Variants in KIF18A observed in about 807,000 individuals in gnomAD.
The protein encoded by KIF18A is kinesin family member 18A.
Under a neutral mutation model 103.3 loss-of-function variants are expected in KIF18A, and 67 were observed. The ratio of observed to expected loss-of-function variants is 0.65; its 90% confidence interval spans 0.53 to 0.79. The LOEUF is 0.79. Among genes scored for constraint, KIF18A ranks in the 30% least tolerant of loss-of-function variants. KIF18A has a pLI of 0.00. For missense variants in KIF18A, 1,032 were observed against 1,062.5 expected (o/e 0.97, Z 0.40); for synonymous variants, 367 against 355.5 (o/e 1.03, Z -0.36).
chr11:28,097,793 C>A lies in KIF18A; in HGVS notation c.155G>T (p.Ser52Ile). 1 of 1,613,192 alleles carries A rather than the reference C, an allele frequency of 6.2e-7. No homozygotes were observed. The highest frequency in any genetic ancestry group is 8.5e-7 in the Non-Finnish European group (1 of 1,179,438). The change falls in exon 2 of 17, where the codon AGT becomes ATT. Residue 52 changes from serine (S) to isoleucine (I), a missense_variant. Coordinates refer to ENST00000263181, the MANE Select transcript of KIF18A (RefSeq NM_031217.4). The stretch of plus-strand genomic sequence containing the variant: ...TGTAGTTTTCTTTCCATGGAAAAAA[C>A]TGACTTCTTCTTGTTTGGGATCAAA... ...LVFDPKQEEV[S>I]FFHGKKTTNQ...
Position 28,036,311 on chromosome 11 carries a change from A to G in KIF18A, c.2302T>C (p.Ser768Pro), listed in dbSNP as rs750966958. ...ATGTCTTCACATATAGTAAATGTAG[A>G]GTCCAAGTCCTCCTGTCCACATTCT... ...RKECGQEDLD[S>P]TFTICEDIKS... Residue 768 changes from serine (S) to proline (P), a missense_variant, in exon 14 of 17, where the codon TCT becomes CCT. Ser to Pro is a moderately conservative substitution (Grantham distance 74). Transcript: ENST00000263181. The G allele has an allele frequency of 6.2e-7, 1 of 1,610,716 alleles. No individual in the cohort carries two copies. Among genetic ancestry groups the G allele is most frequent in the Non-Finnish European group, 8.5e-7 (1 of 1,177,842 alleles).
chr11:28,025,422 C>T (rs1850304239), intron 15 of KIF18A, among the ~76,000 whole-genome samples: 1 of 151,920 alleles, frequency 6.6e-6, no homozygotes, highest in Non-Finnish European at 1.5e-5. Context: ...TTTGATAAAA[C>T]ATTGTTTTTT....
intron 13 of KIF18A, among the ~76,000 whole-genome samples, chr11:28,041,970 C>T (rs145649403): frequency 9.6e-4 from 145 of 151,690 alleles, no homozygotes; most frequent in Non-Finnish European, 1.7e-3. Context: ...CCCTCTACTC[C>T]CACTCATCAA....
chr11:28,092,252 G>T (rs1231661097), intron 3 of KIF18A, among the ~76,000 whole-genome samples: 1 of 150,562 alleles, frequency 6.6e-6, no homozygotes, highest in Non-Finnish European at 1.5e-5. Flanking sequence ...CCAAACTTTT[G>T]AAATTTTAGA....
At chr11:28,063,608 C>T (rs1004169234) in intron 11 of KIF18A, among the ~76,000 whole-genome samples, 9 of 151,818 alleles carry the variant, frequency 5.9e-5, no homozygotes, top group Non-Finnish European at 1.0e-4. Flanking sequence ...AATATATCAG[C>T]GAAGGGATTA....
intron 13 of KIF18A, among the ~76,000 whole-genome samples, chr11:28,055,587 A>T (rs1850770234): frequency 6.6e-6 from 1 of 152,152 alleles, no homozygotes; most frequent in Admixed American, 6.6e-5. Flanking sequence ...TATACTGTAG[A>T]GGGCAAATCA....
intron 13 of KIF18A, among the ~76,000 whole-genome samples, chr11:28,052,963 G>A (rs1208215173): frequency 5.9e-5 from 9 of 152,096 alleles, no homozygotes; most frequent in Non-Finnish European, 8.8e-5. Flanking sequence ...TATTAGTAAT[G>A]AATATGGAAA....
At chr11:28,051,092 ATAT>A (rs1488209186) in intron 13 of KIF18A, among the ~76,000 whole-genome samples, 8 of 151,854 alleles carry the variant, frequency 5.3e-5, no homozygotes, top group Admixed American at 5.3e-4. Flanking sequence ...ATACAAAAAG[ATAT>A]GCATACAGGG....
chr11:28,094,858 C>A, intron 2 of KIF18A, 58 bp from the exon 3 acceptor site: 1 of 1,490,628 alleles, frequency 6.7e-7, no homozygotes, highest in Non-Finnish European at 9.4e-7. Context: ...TCTATTATAT[C>A]TACTATCTAG....
intron 13 of KIF18A, among the ~76,000 whole-genome samples, chr11:28,051,123 G>T (rs1481757051): frequency 2.0e-5 from 3 of 151,622 alleles, no homozygotes; most frequent in Non-Finnish European, 4.4e-5. Context: ...CTATTCTAGA[G>T]TACGAAGATT....
intron 1 of KIF18A, among the ~76,000 whole-genome samples, chr11:28,099,423 G>A (rs1011727516): frequency 6.6e-6 from 1 of 152,048 alleles, no homozygotes; most frequent in Non-Finnish European, 1.5e-5. Context: ...TGCACAGCAA[G>A]GTGACCATGG....
At chr11:28,083,291 CAGAGAT>C (rs1269985474) in intron 7 of KIF18A, 48 bp from the exon 8 acceptor site, 5 of 1,500,934 alleles carry the variant, frequency 3.3e-6, no homozygotes, top group Non-Finnish European at 8.8e-7. Flanking sequence ...ATAATAATCA[CAGAGAT>C]AAATACATGA....
Position 28,097,996 on chromosome 11 carries a change from G to A in KIF18A, c.-46-3C>T. On this transcript the variant is annotated splice_region_variant and splice_polypyrimidine_tract_variant and intron_variant, in intron 1 of 16. Coordinates refer to ENST00000263181, the MANE Select transcript of KIF18A (RefSeq NM_031217.4). Reference sequence around the variant, plus strand: ...TGTATAAATACTTGAATACTTCTCTGAAATTAAAAAAGAAAATAAAGTTTT... The same window carrying A: ...TGTATAAATACTTGAATACTTCTCTAAAATTAAAAAAGAAAATAAAGTTTT... 7.6e-7 allele frequency: 1 copy of A among 1,322,250 alleles called. No individual in the cohort carries two copies. Among genetic ancestry groups the A allele is most frequent in the Non-Finnish European group, 1.0e-6 (1 of 973,708 alleles). The allele number at this position is 1,322,250 out of a possible 1,614,324, so 81.9% of individuals were successfully genotyped here.
intron 15 of KIF18A, among the ~76,000 whole-genome samples, chr11:28,034,558 C>G (rs1206361061): frequency 6.6e-6 from 1 of 151,646 alleles, no homozygotes; most frequent in Non-Finnish European, 1.5e-5. Flanking sequence ...CAAAACTCTG[C>G]TTAATACTTT....
At chr11:28,053,748 G>A (rs1045596149) in intron 13 of KIF18A, among the ~76,000 whole-genome samples, 4 of 151,886 alleles carry the variant, frequency 2.6e-5, no homozygotes, top group African/African-American at 9.7e-5. Context: ...TCTAGTGTAA[G>A]AGCTGGGGTG....
At chr11:28,027,092 G>T (rs982815106) in intron 15 of KIF18A, among the ~76,000 whole-genome samples, 2 of 151,748 alleles carry the variant, frequency 1.3e-5, no homozygotes, top group African/African-American at 4.8e-5. Flanking sequence ...CAAATAAGTA[G>T]GCTACTTGTA....
chr11:28,075,504 A>T (rs1851077212), intron 10 of KIF18A, among the ~76,000 whole-genome samples: 1 of 152,180 alleles, frequency 6.6e-6, no homozygotes, highest in African/African-American at 2.4e-5. Flanking sequence ...ATTTTAATGA[A>T]TAAATTTTTA....
intron 14 of KIF18A, among the ~76,000 whole-genome samples, chr11:28,036,004 C>T (rs552334998): frequency 3.3e-5 from 5 of 151,380 alleles, no homozygotes; most frequent in Middle Eastern, 3.4e-3. Context: ...CCTAGACTAA[C>T]GACGGTCAAC....
chr11:28,065,013 AGAAT>A (rs1209443444), intron 11 of KIF18A, among the ~76,000 whole-genome samples: 1 of 152,076 alleles, frequency 6.6e-6, no homozygotes, highest in Non-Finnish European at 1.5e-5. Flanking sequence ...TGCAGTGGAG[AGAAT>A]GAATTGCAGT....
Sources: allele counts gnomAD v4.1 joint callset (sites outside exome capture counted in the v4.1 genomes callset), GRCh38; gene constraint gnomAD v4.1.1; transcripts MANE v1.5; gene names NCBI Gene and HGNC (gene_info 2026-07-23, HGNC 2026-07-21).